The following KLF7 variants were observed in gnomAD, a reference collection of about 807,000 sequenced individuals.
KLF7 encodes the protein KLF transcription factor 7.
A neutral mutation model predicts 27.3 loss-of-function variants in KLF7; 2 were observed. The ratio of observed to expected loss-of-function variants is 0.07; its 90% CI spans 0.03 to 0.23. KLF7 has a LOEUF of 0.23. KLF7 is among the 10% of genes least tolerant of loss of function. The pLI is 1.00. For synonymous variants in KLF7, 165 were observed against 162.4 expected (o/e 1.02, Z -0.12); for missense variants, 221 against 394.1 (o/e 0.56, Z 3.72).
intron 2 of KLF7, among the ~76,000 whole-genome samples, chr2:207,092,764 C>T (rs1163944942): frequency 6.6e-6 from 1 of 152,178 alleles, no homozygotes; most frequent in East Asian, 1.9e-4. Flanking sequence ...TTTGAGCATG[C>T]ATCTATGATA....
At chr2:207,118,608 C>T (rs538197073) in intron 2 of KLF7, among the ~76,000 whole-genome samples, 60 of 152,300 alleles carry the variant, frequency 3.9e-4, no homozygotes, top group African/African-American at 1.4e-3. Flanking sequence ...CTTGCCCAAC[C>T]ATCTATGATG....
At position 207,102,610 on chromosome 2, in the gene KLF7, T is replaced by C. The variant is rs191056354; in HGVS notation, c.734-14029A>G. Among the ~76,000 whole-genome samples the C allele has an allele frequency of 2.2e-3, 337 of 152,332 alleles. 4 individuals are homozygous for C. Among genetic ancestry groups the C allele is most frequent in the African/African-American group, 7.9e-3 (328 of 41,568 alleles). ...TTTGATCTTGCAATATGCCACAAAC[T>C]ACAATGTACTAGGATGTTACCCTTA... On this transcript the variant is annotated intron_variant, in intron 2 of 3. Coordinates refer to ENST00000309446, the MANE Select transcript of KLF7 (RefSeq NM_003709.4).
At chr2:207,149,655 C>T (rs2078188501) in intron 1 of KLF7, among the ~76,000 whole-genome samples, 1 of 152,208 alleles carries the variant, frequency 6.6e-6, no homozygotes, top group African/African-American at 2.4e-5. Flanking sequence ...GCTCCCCAAT[C>T]CTTGTCAGTA....
chr2:207,118,659 C>A (rs2077254636), intron 2 of KLF7, among the ~76,000 whole-genome samples: 1 of 152,156 alleles, frequency 6.6e-6, no homozygotes. Context: ...TTCTCTGGGT[C>A]TCATTTTCCT....
At chr2:207,149,240 C>A (rs1178179613) in intron 1 of KLF7, 20 of 983,184 alleles carry the variant, frequency 2.0e-5, no homozygotes, top group Non-Finnish European at 2.5e-5. Flanking sequence ...AAGCAACACC[C>A]CCACTCAGCG....
At chr2:207,100,885 G>GT (rs1338066559) in intron 2 of KLF7, among the ~76,000 whole-genome samples, 12 of 152,214 alleles carry the variant, frequency 7.9e-5, no homozygotes, top group Non-Finnish European at 1.6e-4. Context: ...AATATCTAGT[G>GT]TATGTCCAGG....
intron 1 of KLF7, among the ~76,000 whole-genome samples, chr2:207,162,512 T>C (rs1382870091): frequency 6.6e-6 from 1 of 152,236 alleles, no homozygotes; most frequent in Non-Finnish European, 1.5e-5. Context: ...ATGTGTGATG[T>C]CCATTTGGAT....
intron 3 of KLF7, among the ~76,000 whole-genome samples, 192 bp downstream of exon 3, chr2:207,088,266 A>T (rs1280870527): frequency 6.6e-6 from 1 of 152,160 alleles, no homozygotes; most frequent in Non-Finnish European, 1.5e-5. Flanking sequence ...CCAAGAATTC[A>T]CACCACCTCT....
In KLF7 at chr2:207,074,424, T is replaced by G. The variant is rs549887652; in HGVS notation, c.*6789A>C. ...CCTGGAAGTCGTGTGTGGCAGAGAT[T>G]TTAGTACTTTTCTTTTCAGTTCTGA... On this transcript the variant is annotated 3_prime_UTR_variant, in exon 4 of 4. Coordinates refer to ENST00000309446, the MANE Select transcript of KLF7 (RefSeq NM_003709.4). 6.6e-6 allele frequency: 1 copy of G among 152,310 alleles called. No individual in the cohort carries two copies. Among genetic ancestry groups the G allele is most frequent in the South Asian group, 2.1e-4 (1 of 4,806 alleles). The allele number at this position is 152,310 out of a possible 1,614,324, so 9.4% of individuals were successfully genotyped here.
At chr2:207,113,098 T>A (rs926357853) in intron 2 of KLF7, among the ~76,000 whole-genome samples, 7 of 152,238 alleles carry the variant, frequency 4.6e-5, no homozygotes, top group African/African-American at 1.7e-4. Flanking sequence ...TCAAGAAGAA[T>A]GGCTACACAA....
chr2:207,158,516 C>A (rs1474679102), intron 1 of KLF7, among the ~76,000 whole-genome samples: 1 of 152,182 alleles, frequency 6.6e-6, no homozygotes, highest in African/African-American at 2.4e-5. Flanking sequence ...TTGTTGCTTT[C>A]TACTTCCATC....
Position 207,148,009 on chromosome 2 carries a change from G to A in KLF7, c.102+17458C>T, listed in dbSNP as rs74269295. 2.0e-4 allele frequency among the ~76,000 whole-genome samples: 31 copies of A among 151,928 alleles called. No individual in the cohort carries two copies. The East Asian group carries it at 5.6e-3, about 27-fold the overall frequency. ...TTTTTTAATAGTTAAGCTTCTACCC[G>A]CTTTTTAAAAATCAAAACTAAACCT... On this transcript the variant is annotated intron_variant, in intron 1 of 3. Transcript: ENST00000309446.
intron 1 of KLF7, among the ~76,000 whole-genome samples, chr2:207,158,046 G>A (rs2078439452): frequency 6.6e-6 from 1 of 152,142 alleles, no homozygotes; most frequent in East Asian, 1.9e-4. Flanking sequence ...CTGAAACCCA[G>A]GGAAATATCT....
At chr2:207,085,016 G>A (rs1332703796) in intron 3 of KLF7, among the ~76,000 whole-genome samples, 1 of 151,772 alleles carries the variant, frequency 6.6e-6, no homozygotes, top group Middle Eastern at 3.2e-3. Flanking sequence ...TACAAAATTA[G>A]CCAGGCATGG....
rs932775879 is a variant in KLF7 at position 207,159,995 on chromosome 2, G to C, written c.102+5472C>G. Among the ~76,000 whole-genome samples the C allele has an allele frequency of 2.0e-5, 3 of 152,134 alleles. No homozygotes were observed. The South Asian group carries it at 6.2e-4, about 32-fold the overall frequency. The stretch of plus-strand genomic sequence containing the variant: ...CACAAACAATCTTAGGTAAAAGCAT[G>C]TCCCAGTAATGGCAACATTTTGTTT... On this transcript the variant is annotated intron_variant, in intron 1 of 3. Transcript: ENST00000309446.
chr2:207,166,937 G>GAGCGCC, upstream of KLF7: 1 of 710,130 alleles, frequency 1.4e-6, no homozygotes, highest in Non-Finnish European at 1.8e-6. Flanking sequence ...CCCGCCCCGC[G>GAGCGCC]GGCGCCGCCG....
At chr2:207,088,758 G>C (rs2076445960) in intron 2 of KLF7, among the ~76,000 whole-genome samples, 177 bp from the exon 3 acceptor site, 1 of 151,964 alleles carries the variant, frequency 6.6e-6, no homozygotes, top group African/African-American at 2.4e-5. Flanking sequence ...CAAATCTCCT[G>C]GTGTTTTGTT....
upstream of KLF7, among the ~76,000 whole-genome samples, chr2:207,167,626 A>G (rs983633650): frequency 6.6e-6 from 1 of 152,276 alleles, no homozygotes; most frequent in Non-Finnish European, 1.5e-5. Flanking sequence ...TCTGTTGGCC[A>G]GATTCATAGC....
At chr2:207,081,646 T>A (rs1219326986) in intron 3 of KLF7, among the ~76,000 whole-genome samples, 1 of 152,166 alleles carries the variant, frequency 6.6e-6, no homozygotes, top group Admixed American at 6.5e-5. Context: ...TAATTGTGAT[T>A]ATTAAAGAAG....
Sources: gnomAD v4.1 joint callset for allele counts (sites outside exome capture counted in the v4.1 genomes callset) on GRCh38, gnomAD v4.1.1 for gene constraint, MANE v1.5 for transcripts, NCBI Gene and HGNC (gene_info 2026-07-23, HGNC 2026-07-21) for gene names.